FKTN: variants seen among roughly 807,000 people sequenced by gnomAD.
FKTN encodes the protein fukutin.
FKTN carries 47 observed loss-of-function variants against 58.6 expected under a neutral mutation model. The observed-to-expected ratio is 0.80, with a 90% confidence interval of 0.63 to 1.02. The LOEUF is 1.02. Ranked by LOEUF, FKTN falls within the 50% of genes least tolerant of loss-of-function variation. The pLI is 0.00. For missense variants in FKTN, 516 were observed against 537.3 expected, an observed-to-expected ratio of 0.96 and a Z score of 0.39; for synonymous variants, 178 against 191.9, an observed-to-expected ratio of 0.93 and a Z score of 0.60.
At chr9:105,573,925 A>G (rs1301156479) in intron 2 of FKTN, among the ~76,000 whole-genome samples, 179 bp downstream of exon 2, 1 of 152,210 alleles carries the variant, frequency 6.6e-6, no homozygotes, top group Non-Finnish European at 1.5e-5. Flanking sequence ...CTATTTTTGA[A>G]CAAGGCAAAA....
intron 3 of FKTN, among the ~76,000 whole-genome samples, chr9:105,580,307 G>T (rs1350777728): frequency 1.3e-5 from 2 of 152,090 alleles, no homozygotes; most frequent in African/African-American, 4.8e-5. Context: ...GCTGGTACCG[G>T]TTGTTCCTTT....
chr9:105,617,314 C>T (rs1303232341), intron 8 of FKTN, among the ~76,000 whole-genome samples: 1 of 152,124 alleles, frequency 6.6e-6, no homozygotes, highest in Non-Finnish European at 1.5e-5. Flanking sequence ...AATTAGAGCA[C>T]ATACGTGGTA....
intron 1 of FKTN, among the ~76,000 whole-genome samples, chr9:105,565,279 A>G (rs1181109302): frequency 6.6e-6 from 1 of 152,200 alleles, no homozygotes; most frequent in Admixed American, 6.5e-5. Context: ...TAATGACAGG[A>G]TCAAATTCAC....
chr9:105,621,948 T>C (rs963999644), intron 10 of FKTN, among the ~76,000 whole-genome samples: 1 of 152,106 alleles, frequency 6.6e-6, no homozygotes, highest in Non-Finnish European at 1.5e-5. Flanking sequence ...ACTCAAATTT[T>C]GGGGCTAAAG....
chr9:105,578,970 T>A (rs1306612794), intron 3 of FKTN, among the ~76,000 whole-genome samples: 1 of 151,446 alleles, frequency 6.6e-6, no homozygotes, highest in Non-Finnish European at 1.5e-5. Context: ...AGGTGTTTAT[T>A]CTCTGATGGT....
At chr9:105,626,930 T>G (rs1832808318) in intron 10 of FKTN, among the ~76,000 whole-genome samples, 2 of 152,074 alleles carry the variant, frequency 1.3e-5, no homozygotes, top group Admixed American at 6.6e-5. Flanking sequence ...GTTGTCTGTC[T>G]TTTTCTTACT....
chr9:105,616,892 A>AG (rs1796715374), intron 8 of FKTN, among the ~76,000 whole-genome samples: 2 of 152,004 alleles, frequency 1.3e-5, no homozygotes, highest in African/African-American at 4.8e-5. Context: ...AAAAAAAAAA[A>AG]AAGTACATCT....
intron 10 of FKTN, among the ~76,000 whole-genome samples, chr9:105,626,028 G>A (rs1170344817): frequency 1.3e-5 from 2 of 152,094 alleles, no homozygotes; most frequent in African/African-American, 4.8e-5. Flanking sequence ...GTATTTGTGA[G>A]AACCATCCAT....
At chr9:105,559,218 A>G (rs1396649809) in intron 1 of FKTN, among the ~76,000 whole-genome samples, 1 of 152,208 alleles carries the variant, frequency 6.6e-6, no homozygotes, top group Admixed American at 6.5e-5. Context: ...GTTGCCAATA[A>G]CTAGCCTCTT....
At chr9:105,592,392 A>C (rs1026106743) in intron 3 of FKTN, among the ~76,000 whole-genome samples, 3 of 152,128 alleles carry the variant, frequency 2.0e-5, no homozygotes, top group Non-Finnish European at 4.4e-5. Flanking sequence ...TAATCTCAGC[A>C]CTTTGGTAGG....
In FKTN at chr9:105,639,265, A is replaced by G. The variant is rs1834263370; in HGVS notation, c.*4001A>G. ...CCCTCTTTCCTCCTTGTCTTCCACT[A>G]TCATTAAGACCTGGGCTAGATCACC... On this transcript the variant is annotated 3_prime_UTR_variant, in exon 11 of 11. Coordinates refer to ENST00000357998, the MANE Select transcript of FKTN (RefSeq NM_001079802.2). The G allele has an allele frequency of 8.1e-6, 8 of 985,400 alleles. No homozygotes were observed. The highest frequency in any genetic ancestry group is 9.6e-6 in the Non-Finnish European group (8 of 829,908). The allele number at this position is 985,400 out of a possible 1,614,324, so 61.0% of individuals were successfully genotyped here. A position where few individuals can be genotyped will look rare whatever the true frequency, so the allele number is the denominator to read the frequency against.
rs190410431 is a variant in FKTN at position 105,561,129 on chromosome 9, C to T, written c.-181+2964C>T. Among the ~76,000 whole-genome samples, 69 of 151,590 alleles carry T rather than the reference C, an allele frequency of 4.6e-4. 1 individual carries two copies. Among genetic ancestry groups the T allele is most frequent in the Admixed American group, 2.8e-3 (43 of 15,210 alleles). On this transcript the variant is annotated intron_variant, in intron 1 of 10. Coordinates refer to ENST00000357998, the MANE Select transcript of FKTN (RefSeq NM_001079802.2). ...AAAACAAAAAACAAACTTTGGGAGC[C>T]GGACAGTGTCTCATGCCTATAATCA...
At chr9:105,600,011 AG>A (rs1827589368) in intron 4 of FKTN, among the ~76,000 whole-genome samples, 1 of 151,872 alleles carries the variant, frequency 6.6e-6, no homozygotes, top group Non-Finnish European at 1.5e-5. Context: ...AGGGCAATTC[AG>A]ATTTTGTTTC....
At chr9:105,598,147 C>T (rs536058672) in intron 4 of FKTN, 27 of 467,536 alleles carry the variant, frequency 5.8e-5, no homozygotes, top group African/African-American at 2.2e-4. Context: ...TTCCACGGTA[C>T]GCAAGCAAAA....
At chr9:105,623,537 T>C (rs1832310562) in intron 10 of FKTN, among the ~76,000 whole-genome samples, 1 of 152,218 alleles carries the variant, frequency 6.6e-6, no homozygotes, top group Non-Finnish European at 1.5e-5. Flanking sequence ...CTCCTTGGGC[T>C]AGTAGTGGGT....
At chr9:105,623,638 A>C (rs1326390895) in intron 10 of FKTN, among the ~76,000 whole-genome samples, 1 of 152,156 alleles carries the variant, frequency 6.6e-6, no homozygotes. Flanking sequence ...ACTCCCATCC[A>C]GGTGTGGATC....
Position 105,576,966 on chromosome 9 carries a change from C to G in FKTN, c.105+1829C>G, listed in dbSNP as rs1159356166. ...TGTCTTTTGGCTGCATAAATGTCTTCTTTTGAGAAGTGTCTGTTCATGTCC... is the reference window on the plus strand; with the variant it reads ...TGTCTTTTGGCTGCATAAATGTCTTGTTTTGAGAAGTGTCTGTTCATGTCC... On this transcript the variant is annotated intron_variant, in intron 3 of 10. Transcript: ENST00000357998. 3.8e-5 allele frequency among the ~76,000 whole-genome samples: 4 copies of G among 105,336 alleles called. 1 individual carries two copies. Among genetic ancestry groups the G allele is most frequent in the African/African-American group, 1.2e-4 (3 of 24,378 alleles). The allele number at this position is 105,336 out of a possible 152,430, so 69.1% of individuals were successfully genotyped here.
intron 1 of FKTN, among the ~76,000 whole-genome samples, chr9:105,564,845 G>T (rs928255806): frequency 3.9e-5 from 6 of 152,136 alleles, no homozygotes; most frequent in Non-Finnish European, 8.8e-5. Context: ...ACACGTAATT[G>T]TCAGATTCAC....
intron 3 of FKTN, among the ~76,000 whole-genome samples, chr9:105,581,561 T>C (rs1842917808): frequency 6.6e-6 from 1 of 151,762 alleles, no homozygotes; most frequent in Admixed American, 6.6e-5. Flanking sequence ...GAACCACTGC[T>C]CTCTTCAAAG....
Sources: allele counts gnomAD v4.1 joint callset (sites outside exome capture counted in the v4.1 genomes callset), GRCh38; gene constraint gnomAD v4.1.1; transcripts MANE v1.5; gene names NCBI Gene and HGNC (gene_info 2026-07-23, HGNC 2026-07-21).